Variants in HLCS observed in about 807,000 individuals in gnomAD.
HLCS encodes the protein biotin--protein ligase.
A neutral mutation model predicts 75.0 loss-of-function variants in HLCS; 53 were observed. The ratio of observed to expected loss-of-function variants is 0.71; its 90% CI spans 0.57 to 0.89. The LOEUF (loss-of-function observed/expected upper bound fraction) is 0.89. Ranked by LOEUF, HLCS falls within the 40% of genes least tolerant of loss-of-function variation. The probability of loss-of-function intolerance (pLI) is 0.00; values close to 1 mark genes in which losing one functional copy is unlikely to be tolerated. For synonymous variants in HLCS, 431 were observed against 428.6 expected (o/e 1.01, Z -0.07); for missense variants, 966 against 1,074.0 (o/e 0.90, Z 1.41).
chr21:36,820,347 G>A (rs947744656), intron 6 of HLCS, among the ~76,000 whole-genome samples: 3 of 152,204 alleles, frequency 2.0e-5, no homozygotes, highest in South Asian at 2.1e-4. Context: ...TCTCCCAGGC[G>A]CAGCTGCTGC....
chr21:36,808,668 A>G (rs1397345041), intron 6 of HLCS, among the ~76,000 whole-genome samples: 1 of 152,238 alleles, frequency 6.6e-6, no homozygotes, highest in Non-Finnish European at 1.5e-5. Context: ...TATATGATTA[A>G]CAATGAAATT....
At chr21:36,882,505 A>G (rs1450004602) in intron 6 of HLCS, among the ~76,000 whole-genome samples, 1 of 151,764 alleles carries the variant, frequency 6.6e-6, no homozygotes, top group East Asian at 2.0e-4. Context: ...CAGTGCCGCA[A>G]TCTCAGCTCA....
intron 1 of HLCS, among the ~76,000 whole-genome samples, chr21:36,982,895 G>A (rs1270939043): frequency 6.6e-6 from 1 of 152,162 alleles, no homozygotes; most frequent in African/African-American, 2.4e-5. Flanking sequence ...CAGCCATGGT[G>A]GCACGCACCT....
At chr21:36,778,281 T>C (rs2060426726) in intron 6 of HLCS, among the ~76,000 whole-genome samples, 2 of 151,012 alleles carry the variant, frequency 1.3e-5, no homozygotes, top group African/African-American at 2.4e-5. Flanking sequence ...TTGAATCAAT[T>C]ATTATTATTA....
rs755102032 is a variant in HLCS, at chr21:36,961,932, T to C, written c.330+104A>G. On this transcript the variant is annotated intron_variant, in intron 2 of 10. Coordinates refer to ENST00000674895, the MANE Select transcript of HLCS (RefSeq NM_001352514.2). ...TCACACCACTGCACTCCAGCCTGGG[T>C]GACAGAGCAAGACTCTGTCTCAGGA... The C allele has an allele frequency of 6.1e-4, 403 of 663,380 alleles. 1 individual carries two copies. The highest frequency in any genetic ancestry group is 1.6e-3 in the Admixed American group (45 of 28,368). The allele number at this position is 663,380 out of a possible 1,614,324, so 41.1% of individuals were successfully genotyped here.
intron 6 of HLCS, among the ~76,000 whole-genome samples, chr21:36,823,477 T>G (rs571861365): frequency 6.6e-6 from 1 of 152,292 alleles, no homozygotes; most frequent in South Asian, 2.1e-4. Context: ...AACACGAACT[T>G]GTTAACCTCC....
chr21:36,824,778 C>A (rs1428451338), intron 6 of HLCS, among the ~76,000 whole-genome samples: 1 of 152,140 alleles, frequency 6.6e-6, no homozygotes, highest in African/African-American at 2.4e-5. Flanking sequence ...ATGAAGAACA[C>A]GCCAACTTTC....
intron 6 of HLCS, among the ~76,000 whole-genome samples, chr21:36,886,644 T>C (rs540168661): frequency 6.6e-6 from 1 of 152,242 alleles, no homozygotes. Flanking sequence ...ATGGATTGAA[T>C]GTTTGTGTTC....
chr21:36,773,544 C>T (rs1016439470), intron 6 of HLCS, among the ~76,000 whole-genome samples: 5 of 152,246 alleles, frequency 3.3e-5, no homozygotes, highest in African/African-American at 9.6e-5. Flanking sequence ...AAGTCTCCCT[C>T]GGGCCTGGAG....
At chr21:36,807,612 C>A (rs1026328514) in intron 6 of HLCS, among the ~76,000 whole-genome samples, 1 of 152,170 alleles carries the variant, frequency 6.6e-6, no homozygotes, top group African/African-American at 2.4e-5. Context: ...GCCAGAGGTT[C>A]GTCCTCACAA....
upstream of HLCS, chr21:36,966,676 CCGCCCCAG>C (rs910077957): frequency 1.8e-5 from 17 of 947,484 alleles, no homozygotes; most frequent in African/African-American, 2.9e-4. Flanking sequence ...CCTTGCCCGC[CCGCCCCAG>C]CGCCCCAGGC....
At chr21:36,838,339 C>G (rs2062491816) in intron 6 of HLCS, among the ~76,000 whole-genome samples, 1 of 151,374 alleles carries the variant, frequency 6.6e-6, no homozygotes, top group Admixed American at 6.6e-5. Flanking sequence ...CCCCCACAAC[C>G]AACTCCTAGT....
At chr21:36,819,038 G>A (rs888319529) in intron 6 of HLCS, among the ~76,000 whole-genome samples, 5 of 152,144 alleles carry the variant, frequency 3.3e-5, no homozygotes, top group African/African-American at 4.8e-5. Flanking sequence ...CACCAAGGAC[G>A]AAATGCTTGA....
intron 8 of HLCS, among the ~76,000 whole-genome samples, chr21:36,762,672 T>C (rs2089892180): frequency 1.3e-5 from 2 of 152,200 alleles, no homozygotes; most frequent in Admixed American, 1.3e-4. Context: ...CAAAATCAAA[T>C]GTCCCATCAC....
At chr21:36,866,108 G>T (rs1241010814) in intron 6 of HLCS, among the ~76,000 whole-genome samples, 1 of 147,598 alleles carries the variant, frequency 6.8e-6, no homozygotes, top group African/African-American at 2.5e-5. Context: ...TTACTTTTGT[G>T]AGCGTGAATT....
At chr21:36,841,263 G>A (rs2062605585) in intron 6 of HLCS, among the ~76,000 whole-genome samples, 2 of 152,138 alleles carry the variant, frequency 1.3e-5, no homozygotes, top group African/African-American at 2.4e-5. Flanking sequence ...TTGGCTTTTC[G>A]GGGAATTTGT....
At chr21:36,931,745 T>TAA (rs66513818) in intron 4 of HLCS, among the ~76,000 whole-genome samples, 28 of 144,922 alleles carry the variant, frequency 1.9e-4, no homozygotes, top group East Asian at 6.0e-4. Flanking sequence ...TGCGACCATT[T>TAA]AAAAAGAAAA....
At position 36,937,633 on chromosome 21, in the gene HLCS, T is replaced by C. The variant is rs117383985; in HGVS notation, c.494-241A>G. Among the ~76,000 whole-genome samples, 7,120 of 152,240 alleles carry C rather than the reference T, an allele frequency of 0.047. 256 individuals carry two copies. Among genetic ancestry groups the C allele is most frequent in the South Asian group, 0.13 (643 of 4,820 alleles). ...GTTTGCCCAACATCTTTTATACCTATTGGAGAACCTAAGACCCTCTTACGG... is the reference window on the plus strand; with the variant it reads ...GTTTGCCCAACATCTTTTATACCTACTGGAGAACCTAAGACCCTCTTACGG... On this transcript the variant is annotated intron_variant, in intron 3 of 10. Coordinates refer to ENST00000674895, the MANE Select transcript of HLCS (RefSeq NM_001352514.2).
chr21:36,975,346 C>A (rs2068907344), intron 1 of HLCS, among the ~76,000 whole-genome samples: 1 of 152,040 alleles, frequency 6.6e-6, no homozygotes, highest in Non-Finnish European at 1.5e-5. Context: ...TCTTTCTAGT[C>A]CAGGCCCAGC....
Sources: allele counts gnomAD v4.1 joint callset (sites outside exome capture counted in the v4.1 genomes callset), GRCh38; gene constraint gnomAD v4.1.1; transcripts MANE v1.5; gene names NCBI Gene and HGNC (gene_info 2026-07-23, HGNC 2026-07-21).